The following SUMF1 variants were observed in gnomAD, a reference collection of about 807,000 sequenced individuals.
SUMF1 encodes the protein sulfatase modifying factor 1, also known as formylglycine-generating enzyme.
SUMF1 carries 48 observed loss-of-function variants against 47.6 expected under a neutral mutation model. That is an observed-to-expected ratio of 1.01 (90% CI 0.80 to 1.28). The LOEUF (loss-of-function observed/expected upper bound fraction) is 1.28. Among genes scored for constraint, SUMF1 ranks in the 50% most tolerant of loss-of-function variants. The probability of loss-of-function intolerance (pLI) is 0.00; values close to 1 mark genes in which losing one functional copy is unlikely to be tolerated. For synonymous variants in SUMF1, 230 were observed against 192.1 expected, an observed-to-expected ratio of 1.20 and a Z score of -1.63; for missense variants, 571 against 485.4, an observed-to-expected ratio of 1.18 and a Z score of -1.66.
chr3:4,046,552 T>C (rs911023160), intron 9 of SUMF1, among the ~76,000 whole-genome samples: 1 of 152,134 alleles, frequency 6.6e-6, no homozygotes, highest in African/African-American at 2.4e-5. Flanking sequence ...CTAGCACATA[T>C]CCAGTCATTC....
chr3:4,211,886 C>T (rs1002034654), intron 8 of SUMF1, among the ~76,000 whole-genome samples: 1 of 152,130 alleles, frequency 6.6e-6, no homozygotes. Flanking sequence ...CCAGAGTTCT[C>T]CTCTCTGGGC....
intron 8 of SUMF1, among the ~76,000 whole-genome samples, chr3:4,144,513 G>T (rs1311148575): frequency 5.3e-5 from 8 of 152,014 alleles, no homozygotes; most frequent in Non-Finnish European, 1.2e-4. Flanking sequence ...CAAGAGACCA[G>T]AAATAAAATC....
chr3:4,215,820 A>C (rs1695910396), intron 8 of SUMF1, among the ~76,000 whole-genome samples: 1 of 152,168 alleles, frequency 6.6e-6, no homozygotes, highest in Admixed American at 6.5e-5. Flanking sequence ...ATACCTAGGA[A>C]TACAACTCAT....
chr3:4,303,655 C>T, intron 8 of SUMF1: 1 of 1,439,102 alleles, frequency 6.9e-7, no homozygotes, highest in Non-Finnish European at 9.1e-7. Flanking sequence ...CCCGTTGGTG[C>T]GCGGGAATAG....
intron 8 of SUMF1, among the ~76,000 whole-genome samples, chr3:4,370,611 G>A (rs545484744): frequency 7.2e-5 from 11 of 152,196 alleles, no homozygotes; most frequent in South Asian, 4.1e-4. Flanking sequence ...CTACAGCTGC[G>A]ACACAGGATA....
exon 9 of SUMF1, chr3:4,068,617 A>G (rs1037961670): frequency 4.6e-6 from 2 of 432,776 alleles, no homozygotes; most frequent in East Asian, 1.5e-4. Context: ...CAATAGCTGC[A>G]TATTGCTGAT....
rs7629370 is a variant in SUMF1 at position 4,149,141 on chromosome 3, C to A, written c.1015-80396G>T. Among the ~76,000 whole-genome samples the A allele has an allele frequency of 2.7e-3, 409 of 152,170 alleles. 4 individuals are homozygous for A. The highest frequency in any genetic ancestry group is 9.1e-3 in the African/African-American group (379 of 41,508). ...GAACTTTCCTCACATGAGCGTTTTGCCCTACAGAGAGGTGTTCTTGTTGTA... is the reference window on the plus strand; with the variant it reads ...GAACTTTCCTCACATGAGCGTTTTGACCTACAGAGAGGTGTTCTTGTTGTA... On this transcript the variant is annotated intron_variant and NMD_transcript_variant, in intron 8 of 12. Coordinates refer to the SUMF1 transcript ENST00000448413.
At chr3:4,330,636 G>T (rs990439443) in intron 8 of SUMF1, among the ~76,000 whole-genome samples, 2 of 152,116 alleles carry the variant, frequency 1.3e-5, no homozygotes, top group African/African-American at 4.8e-5. Flanking sequence ...ATTTGGGTGG[G>T]GACACAGCCA....
intron 8 of SUMF1, among the ~76,000 whole-genome samples, chr3:4,144,825 CA>C (rs1209612004): frequency 6.6e-6 from 1 of 152,090 alleles, no homozygotes; most frequent in African/African-American, 2.4e-5. Context: ...GTGATAGCTT[CA>C]TTTATTTTTA....
rs1196446666 is a variant in SUMF1, at chr3:4,449,308, T to C, written c.477A>G (p.Glu159=). The C allele has an allele frequency of 9.3e-6, 15 of 1,614,194 alleles. No homozygotes were observed. Among genetic ancestry groups the C allele is most frequent in the East Asian group, 2.2e-5 (1 of 44,876 alleles). ...AEKFGDSFVF[E]GMLSEQVKTN... Reference sequence around the variant, plus strand: ...TCTTCACTTGCTCACTCAACATGCCTTCAAAGACAAAGGAGTCGCCAAACT... The same window carrying C: ...TCTTCACTTGCTCACTCAACATGCCCTCAAAGACAAAGGAGTCGCCAAACT... The change falls in exon 3 of 9, where the codon GAA becomes GAG. Residue 159 remains glutamate, a synonymous_variant. Coordinates refer to ENST00000272902, the MANE Select transcript of SUMF1 (RefSeq NM_182760.4).
chr3:4,405,753 T>C (rs182899876), intron 7 of SUMF1, among the ~76,000 whole-genome samples: 15 of 152,318 alleles, frequency 9.8e-5, no homozygotes, highest in Admixed American at 9.8e-4. Flanking sequence ...AAAATGTGTC[T>C]AGAGCTATAC....
intron 8 of SUMF1, among the ~76,000 whole-genome samples, chr3:4,160,840 G>C (rs1397232639): frequency 6.6e-6 from 1 of 152,060 alleles, no homozygotes; most frequent in Non-Finnish European, 1.5e-5. Flanking sequence ...TATTTAGTTT[G>C]TTTGGTGAGG....
intron 1 of SUMF1, among the ~76,000 whole-genome samples, chr3:4,455,388 C>T (rs1553588387): frequency 6.6e-6 from 1 of 152,114 alleles, no homozygotes; most frequent in African/African-American, 2.4e-5. Flanking sequence ...AAAATCTGAA[C>T]AGACTGATAA....
chr3:4,271,510 GATAGATAGATAC>G (rs1697303602), intron 8 of SUMF1, among the ~76,000 whole-genome samples: 1 of 147,698 alleles, frequency 6.8e-6, no homozygotes, highest in South Asian at 2.1e-4. Flanking sequence ...TAGATAGATA[GATAGATAGATAC>G]AGAGAGGATC....
In SUMF1 at chr3:4,388,652, G is replaced by A. The variant is rs7618810; in HGVS notation, c.955-12263C>T. ...TTTTTGTCTCTGTTTTCCTTTTTCT[G>A]ACTTCCTGTGGGTTACCCAAACTTT... On this transcript the variant is annotated intron_variant, in intron 7 of 8. Transcript: ENST00000272902. Among the ~76,000 whole-genome samples the A allele has an allele frequency of 3.2e-3, 492 of 151,406 alleles. 3 individuals carry two copies. The highest frequency in any genetic ancestry group is 0.01 in the Middle Eastern group (3 of 292).
intron 9 of SUMF1, among the ~76,000 whole-genome samples, chr3:4,055,799 A>G (rs895273021): frequency 1.3e-5 from 2 of 152,184 alleles, no homozygotes; most frequent in Admixed American, 1.3e-4. Context: ...TTAGTTCTAT[A>G]GTTCAGAATT....
chr3:4,292,163 GTTT>G (rs1384983481), intron 8 of SUMF1, among the ~76,000 whole-genome samples: 1 of 152,176 alleles, frequency 6.6e-6, no homozygotes, highest in African/African-American at 2.4e-5. Flanking sequence ...AATTAGCACA[GTTT>G]TTTAATGCAG....
chr3:4,114,842 T>G (rs917231561), intron 8 of SUMF1, among the ~76,000 whole-genome samples: 1 of 152,134 alleles, frequency 6.6e-6, no homozygotes, highest in Non-Finnish European at 1.5e-5. Context: ...TTTAAAAATA[T>G]TTTCAACTTA....
chr3:4,115,538 G>A (rs188436914), intron 8 of SUMF1, among the ~76,000 whole-genome samples: 3 of 150,712 alleles, frequency 2.0e-5, no homozygotes, highest in Admixed American at 2.0e-4. Flanking sequence ...CTGCCTTGGG[G>A]TCAGAGCCCA....
Sources: gnomAD v4.1 joint callset for allele counts (sites outside exome capture counted in the v4.1 genomes callset) on GRCh38, gnomAD v4.1.1 for gene constraint, MANE v1.5 for transcripts, NCBI Gene and HGNC (gene_info 2026-07-23, HGNC 2026-07-21) for gene names.